The following NXPH2 variants were observed in gnomAD, a reference collection of about 807,000 sequenced individuals.
NXPH2 encodes the protein neurexophilin-2.
NXPH2 carries 5 observed loss-of-function variants against 19.8 expected under a neutral mutation model. The ratio of observed to expected loss-of-function variants is 0.25; its 90% confidence interval spans 0.13 to 0.53. The LOEUF (loss-of-function observed/expected upper bound fraction) is 0.53. NXPH2 is among the 20% of genes least tolerant of loss of function. The pLI is 0.96. For missense variants in NXPH2, 289 were observed against 322.8 expected, an observed-to-expected ratio of 0.90 and a Z score of 0.80; for synonymous variants, 154 against 127.4, an observed-to-expected ratio of 1.21 and a Z score of -1.41.
At chr2:138,777,879 T>A (rs1343513757) in intron 1 of NXPH2, among the ~76,000 whole-genome samples, 1 of 148,638 alleles carries the variant, frequency 6.7e-6, no homozygotes, top group African/African-American at 2.5e-5. Context: ...AAGGGCAGAT[T>A]TTTTTAGTAC....
chr2:138,698,438 A>G (rs1371331171), intron 1 of NXPH2, among the ~76,000 whole-genome samples: 4 of 152,212 alleles, frequency 2.6e-5, no homozygotes, highest in Non-Finnish European at 5.9e-5. Flanking sequence ...TTTTTAATGC[A>G]CTTCCCTATT....
At chr2:138,757,469 G>C (rs1199765001) in intron 1 of NXPH2, among the ~76,000 whole-genome samples, 3 of 152,160 alleles carry the variant, frequency 2.0e-5, no homozygotes, top group Non-Finnish European at 4.4e-5. Flanking sequence ...AAGGGCCCTA[G>C]CTTCAGCAGG....
At chr2:138,688,802 A>T (rs564659226) in intron 1 of NXPH2, among the ~76,000 whole-genome samples, 1 of 152,296 alleles carries the variant, frequency 6.6e-6, no homozygotes, top group East Asian at 1.9e-4. Flanking sequence ...GTCTCTTGAC[A>T]TCCTGATAGA....
intron 1 of NXPH2, among the ~76,000 whole-genome samples, chr2:138,730,566 G>T (rs1681432550): frequency 1.3e-5 from 2 of 152,060 alleles, no homozygotes; most frequent in African/African-American, 4.8e-5. Context: ...GAGGCACCAT[G>T]CTATGAGGCA....
At chr2:138,717,585 A>C (rs1278968731) in intron 1 of NXPH2, among the ~76,000 whole-genome samples, 1 of 151,988 alleles carries the variant, frequency 6.6e-6, no homozygotes, top group Non-Finnish European at 1.5e-5. Flanking sequence ...TCAACTCCCA[A>C]AGCCTCTTCC....
chr2:138,672,309 A>G (rs1212760505), intron 1 of NXPH2, among the ~76,000 whole-genome samples: 1 of 152,212 alleles, frequency 6.6e-6, no homozygotes, highest in Non-Finnish European at 1.5e-5. Context: ...AGAGAGGTAT[A>G]TTTTGAATTA....
intron 1 of NXPH2, among the ~76,000 whole-genome samples, chr2:138,736,371 G>GC (rs1681538354): frequency 6.6e-6 from 1 of 152,202 alleles, no homozygotes; most frequent in Non-Finnish European, 1.5e-5. Flanking sequence ...GCACTTGTAG[G>GC]TTCAACACTA....
chr2:138,679,300 T>C (rs1680533838), intron 1 of NXPH2, among the ~76,000 whole-genome samples: 1 of 152,264 alleles, frequency 6.6e-6, no homozygotes, highest in Admixed American at 6.5e-5. Context: ...GCCACCACCC[T>C]TGCTGTCCTA....
chr2:138,743,380 A>G (rs1044005249), intron 1 of NXPH2, among the ~76,000 whole-genome samples: 1 of 152,248 alleles, frequency 6.6e-6, no homozygotes, highest in Non-Finnish European at 1.5e-5. Flanking sequence ...CTGCTACAAT[A>G]TGAATGAAAC....
At chr2:138,723,653 C>G (rs1681312796) in intron 1 of NXPH2, among the ~76,000 whole-genome samples, 1 of 152,176 alleles carries the variant, frequency 6.6e-6, no homozygotes, top group Admixed American at 6.5e-5. Context: ...CGCCTCCTGC[C>G]AGGACCCTGG....
At chr2:138,714,146 AT>A (rs1681154196) in intron 1 of NXPH2, among the ~76,000 whole-genome samples, 1 of 152,160 alleles carries the variant, frequency 6.6e-6, no homozygotes, top group Non-Finnish European at 1.5e-5. Flanking sequence ...CTCAAAATTC[AT>A]ACTAGAATAA....
intron 1 of NXPH2, among the ~76,000 whole-genome samples, chr2:138,749,249 G>T (rs1201646187): frequency 6.6e-6 from 1 of 152,086 alleles, no homozygotes; most frequent in African/African-American, 2.4e-5. Context: ...AGACATGCTT[G>T]CTTCCCCTTC....
At chr2:138,724,287 G>A (rs1406019275) in intron 1 of NXPH2, among the ~76,000 whole-genome samples, 2 of 152,158 alleles carry the variant, frequency 1.3e-5, no homozygotes, top group African/African-American at 4.8e-5. Flanking sequence ...ACAGTTGTAG[G>A]CAGAACATTC....
intron 1 of NXPH2, among the ~76,000 whole-genome samples, chr2:138,770,012 C>T (rs1397319999): frequency 6.6e-6 from 1 of 151,960 alleles, no homozygotes; most frequent in African/African-American, 2.4e-5. Flanking sequence ...GATACAGAAA[C>T]ATGCATAATT....
At chr2:138,740,921 A>G (rs1160569701) in intron 1 of NXPH2, among the ~76,000 whole-genome samples, 2 of 151,108 alleles carry the variant, frequency 1.3e-5, no homozygotes, top group Non-Finnish European at 2.9e-5. Context: ...TGAACAGCCA[A>G]TACAGTAGAG....
chr2:138,726,947 A>C (rs1273752528), intron 1 of NXPH2, among the ~76,000 whole-genome samples: 1 of 152,090 alleles, frequency 6.6e-6, no homozygotes, highest in African/African-American at 2.4e-5. Context: ...CTCTCTATTC[A>C]TCCCTCCCTC....
At chr2:138,678,844 C>G (rs998956992) in intron 1 of NXPH2, among the ~76,000 whole-genome samples, 1 of 152,100 alleles carries the variant, frequency 6.6e-6, no homozygotes, top group Admixed American at 6.6e-5. Context: ...TCTACACATC[C>G]AGTGAGAAAG....
chr2:138,764,595 T>C (rs1009110757), intron 1 of NXPH2, among the ~76,000 whole-genome samples: 1 of 152,158 alleles, frequency 6.6e-6, no homozygotes, highest in Admixed American at 6.6e-5. Flanking sequence ...AGCGCAAATA[T>C]TTTCAAAAAA....
At chr2:138,718,015 G>A (rs970560474) in intron 1 of NXPH2, among the ~76,000 whole-genome samples, 2 of 151,698 alleles carry the variant, frequency 1.3e-5, no homozygotes, top group African/African-American at 4.8e-5. Flanking sequence ...AATGCCATAA[G>A]AAATAAAAGA....
Sources: allele counts gnomAD v4.1 joint callset (sites outside exome capture counted in the v4.1 genomes callset), GRCh38; gene constraint gnomAD v4.1.1; transcripts MANE v1.5; gene names NCBI Gene and HGNC (gene_info 2026-07-23, HGNC 2026-07-21).